The following SEH1L variants were observed in gnomAD, a reference collection of about 807,000 sequenced individuals.
The protein encoded by SEH1L is nucleoporin SEH1.
Under a neutral mutation model 49.5 loss-of-function variants are expected in SEH1L, and 18 were observed. The observed-to-expected ratio is 0.36, with a 90% CI of 0.25 to 0.54. The LOEUF (loss-of-function observed/expected upper bound fraction) is 0.54, where lower values mean the gene tolerates loss of function less well. Ranked by LOEUF, SEH1L falls within the 20% of genes least tolerant of loss-of-function variation. The pLI is 0.87. For synonymous variants in SEH1L, 169 were observed against 178.1 expected (o/e 0.95, Z 0.41); for missense variants, 404 against 528.8 (o/e 0.76, Z 2.31).
chr18:12,986,006 T>C (rs2032443036), intron 8 of SEH1L: 1 of 911,312 alleles, frequency 1.1e-6, no homozygotes. Context: ...TTTGTGTATT[T>C]TTATGGTGTT....
At chr18:12,980,888 C>T (rs1430690802) in intron 6 of SEH1L, among the ~76,000 whole-genome samples, 2 of 149,172 alleles carry the variant, frequency 1.3e-5, no homozygotes, top group Admixed American at 6.6e-5. Context: ...CCCCCACCTC[C>T]CTTCCGGACG....
chr18:12,960,241 A>G (rs1353176809), intron 3 of SEH1L, among the ~76,000 whole-genome samples: 1 of 152,258 alleles, frequency 6.6e-6, no homozygotes, highest in Non-Finnish European at 1.5e-5. Flanking sequence ...ATATTGTGGC[A>G]ACAAGGGATA....
intron 5 of SEH1L, among the ~76,000 whole-genome samples, chr18:12,975,037 G>C (rs1215950574): frequency 6.6e-6 from 1 of 151,500 alleles, no homozygotes; most frequent in Non-Finnish European, 1.5e-5. Context: ...TTGTTGCCCA[G>C]GTTGGAGTGC....
chr18:12,984,205 G>C lies in SEH1L; in HGVS notation c.1070+15G>C, dbSNP rs1338202330. 1 of 1,610,904 alleles carries C rather than the reference G, an allele frequency of 6.2e-7. No individual in the cohort carries two copies. Reference sequence around the variant, plus strand: ...TCTGCTGGCAGGTAGGCTGCTTCATGGGAAAACTGGAAATCATCTTTGTTT... The same window carrying C: ...TCTGCTGGCAGGTAGGCTGCTTCATCGGAAAACTGGAAATCATCTTTGTTT... On this transcript the variant is annotated intron_variant, in intron 8 of 8. Transcript: ENST00000399892.
intron 4 of SEH1L, among the ~76,000 whole-genome samples, chr18:12,966,382 G>A (rs556865546): frequency 1.3e-5 from 2 of 151,504 alleles, no homozygotes; most frequent in Non-Finnish European, 1.5e-5. Flanking sequence ...GTGAGCCACC[G>A]CACCCAGCCA....
At chr18:12,957,143 C>T (rs1194754803) in intron 3 of SEH1L, among the ~76,000 whole-genome samples, 1 of 151,912 alleles carries the variant, frequency 6.6e-6, no homozygotes, top group Non-Finnish European at 1.5e-5. Flanking sequence ...ATATACTGTC[C>T]TCGGCCGGGT....
chr18:12,976,482 C>G (rs911449028), intron 5 of SEH1L: 1 of 152,288 alleles, frequency 6.6e-6, no homozygotes, highest in South Asian at 2.1e-4. Context: ...GTTCCTCCCA[C>G]TTTACGGAGA....
At chr18:12,980,480 A>C (rs1264159917) in intron 6 of SEH1L, among the ~76,000 whole-genome samples, 1 of 38,790 alleles carries the variant, frequency 2.6e-5, no homozygotes, top group Non-Finnish European at 4.3e-5. Context: ...TGATCCCCCA[A>C]CCTCCCTCCC....
At chr18:12,983,938 C>T in intron 7 of SEH1L, 102 bp from the exon 8 acceptor site, 1 of 772,768 alleles carries the variant, frequency 1.3e-6, no homozygotes, top group Non-Finnish European at 2.0e-6. Context: ...CTCATAGCCT[C>T]TGTCTCGTTT....
intron 7 of SEH1L, chr18:12,983,169 T>C (rs1239871457): frequency 6.5e-6 from 1 of 152,826 alleles, no homozygotes; most frequent in Non-Finnish European, 1.5e-5. Flanking sequence ...CAGTTGACAC[T>C]GACTGTGGTC....
intron 2 of SEH1L, among the ~76,000 whole-genome samples, chr18:12,953,170 A>G (rs188094951): frequency 6.6e-6 from 1 of 152,182 alleles, no homozygotes; most frequent in Non-Finnish European, 1.5e-5. Context: ...GCATGTTTTG[A>G]GGTTCATCCA....
intron 2 of SEH1L, among the ~76,000 whole-genome samples, chr18:12,952,784 C>CTTTT (rs1259704216): frequency 2.1e-5 from 2 of 94,522 alleles, no homozygotes; most frequent in Non-Finnish European, 4.4e-5. Flanking sequence ...CTCTTCTTTT[C>CTTTT]TTTTTTTTTT....
chr18:12,951,722 G>C (rs1204926067), intron 1 of SEH1L, 133 bp from the exon 2 acceptor site: 2 of 622,444 alleles, frequency 3.2e-6, no homozygotes, highest in Admixed American at 2.9e-5. Context: ...ATGAATGAAT[G>C]TTTACTTGCT....
intron 1 of SEH1L, among the ~76,000 whole-genome samples, chr18:12,949,605 A>C (rs1467368062): frequency 4.0e-5 from 6 of 151,572 alleles, no homozygotes; most frequent in Admixed American, 3.9e-4. Flanking sequence ...GGCGCCCGCC[A>C]CCACGCCCGG....
At chr18:12,986,254 C>G in intron 8 of SEH1L, 1 of 985,242 alleles carries the variant, frequency 1.0e-6, no homozygotes. Context: ...CGGTAAGTTA[C>G]AAGATGGAAG....
intron 7 of SEH1L, 36 bp downstream of exon 7, chr18:12,982,711 AT>A: frequency 6.8e-7 from 1 of 1,475,372 alleles, no homozygotes; most frequent in Non-Finnish European, 9.1e-7. Flanking sequence ...GTTGGTTTAT[AT>A]TTCTGCTCTG....
At chr18:12,949,745 G>T (rs958275882) in intron 1 of SEH1L, among the ~76,000 whole-genome samples, 29 of 152,024 alleles carry the variant, frequency 1.9e-4, no homozygotes, top group African/African-American at 6.8e-4. Context: ...GAGCCACCGC[G>T]CCCGGCCCAC....
At chr18:12,961,412 T>G (rs2031171259) in intron 3 of SEH1L, among the ~76,000 whole-genome samples, 1 of 152,158 alleles carries the variant, frequency 6.6e-6, no homozygotes, top group African/African-American at 2.4e-5. Flanking sequence ...TGCCTGATCA[T>G]CACCTGATGG....
Position 12,967,115 on chromosome 18 carries a change from C to T in SEH1L, c.521+3744C>T, listed in dbSNP as rs547727065. On this transcript the variant is annotated intron_variant, in intron 4 of 8. Transcript: ENST00000399892. Reference sequence around the variant, plus strand: ...GAATTACAGTCAATTATCATTTGCACTGGCAATGTTCTATAAAGTTGCCAT... The same window carrying T: ...GAATTACAGTCAATTATCATTTGCATTGGCAATGTTCTATAAAGTTGCCAT... Among the ~76,000 whole-genome samples the T allele has an allele frequency of 2.6e-5, 4 of 152,346 alleles. No homozygotes were observed. The East Asian group carries it at 7.7e-4, about 29-fold the overall frequency.
Sources: gnomAD v4.1 joint callset for allele counts (sites outside exome capture counted in the v4.1 genomes callset) on GRCh38, gnomAD v4.1.1 for gene constraint, MANE v1.5 for transcripts, NCBI Gene and HGNC (gene_info 2026-07-23, HGNC 2026-07-21) for gene names.